Variants in SUMF1 observed in about 807,000 individuals in gnomAD.
The protein encoded by SUMF1 is formylglycine-generating enzyme.
SUMF1 carries 48 observed loss-of-function variants against 47.6 expected under a neutral mutation model. The observed-to-expected ratio is 1.01, with a 90% CI of 0.80 to 1.28. SUMF1 has a LOEUF of 1.28. Ranked by LOEUF, SUMF1 falls within the 50% of genes most tolerant of loss-of-function variation. The probability of loss-of-function intolerance (pLI) is 0.00; values close to 1 mark genes in which losing one functional copy is unlikely to be tolerated. For synonymous variants in SUMF1, 230 were observed against 192.1 expected (o/e 1.20, Z -1.63); for missense variants, 571 against 485.4 (o/e 1.18, Z -1.66).
At chr3:4,114,971 G>T (rs1180388864) in intron 8 of SUMF1, among the ~76,000 whole-genome samples, 1 of 152,036 alleles carries the variant, frequency 6.6e-6, no homozygotes, top group Non-Finnish European at 1.5e-5. Flanking sequence ...CTTCCCTTCT[G>T]GCCTGTGCCC....
intron 8 of SUMF1, among the ~76,000 whole-genome samples, chr3:4,200,698 A>G (rs2125151962): frequency 6.6e-6 from 1 of 152,172 alleles, no homozygotes; most frequent in South Asian, 2.1e-4. Flanking sequence ...AATTTCCTTT[A>G]TGGATCTCCT....
At chr3:4,294,825 G>A (rs1041738134) in intron 8 of SUMF1, among the ~76,000 whole-genome samples, 3 of 152,096 alleles carry the variant, frequency 2.0e-5, no homozygotes, top group South Asian at 2.1e-4. Context: ...TTCTAATGAT[G>A]AGGATTTCAG....
At position 4,362,163 on chromosome 3, in the gene SUMF1, C is replaced by T. The variant is rs926687493; in HGVS notation, c.1106G>A (p.Arg369His). 8.1e-6 allele frequency: 13 copies of T among 1,614,126 alleles called. No homozygotes were observed. Among genetic ancestry groups the T allele is most frequent in the East Asian group, 6.7e-5 (3 of 44,860 alleles). Residue 369 changes from arginine to histidine, a missense_variant, in exon 9 of 9, where the codon CGC (arginine) becomes CAC (histidine). By Grantham distance (29) the Arg-to-His change is conservative. Transcript: ENST00000272902. Reference sequence around the variant, plus strand: ...TGGTTGTCAGTCCATAGTGGGCAGGCGGTCGGCTGCACAGCGGAATCCCAG... The same window carrying T: ...TGGTTGTCAGTCCATAGTGGGCAGGTGGTCGGCTGCACAGCGGAATCCCAG... Reference protein sequence around the residue: ...SNLGFRCAADRLPTMD With the variant: ...SNLGFRCAADHLPTMD
At chr3:4,160,590 C>G (rs577373953) in intron 8 of SUMF1, among the ~76,000 whole-genome samples, 60 of 152,142 alleles carry the variant, frequency 3.9e-4, no homozygotes, top group African/African-American at 1.4e-3. Flanking sequence ...TGTTTGATCA[C>G]TTCTGCTATT....
intron 8 of SUMF1, among the ~76,000 whole-genome samples, chr3:4,137,817 C>A (rs572325522): frequency 1.3e-5 from 2 of 151,916 alleles, no homozygotes; most frequent in Non-Finnish European, 2.9e-5. Context: ...AGAGCAACTG[C>A]GCAGAAAAAG....
At chr3:4,134,709 A>G (rs550049705) in intron 8 of SUMF1, among the ~76,000 whole-genome samples, 54 of 152,228 alleles carry the variant, frequency 3.5e-4, no homozygotes, top group South Asian at 1.9e-3. Context: ...GATCAACAAA[A>G]TTGATAGTCC....
At chr3:4,115,866 G>A (rs1693413709) in intron 8 of SUMF1, among the ~76,000 whole-genome samples, 1 of 151,984 alleles carries the variant, frequency 6.6e-6, no homozygotes, top group African/African-American at 2.4e-5. Context: ...CTAAATTGGG[G>A]CAGATCTGCC....
intron 1 of SUMF1, among the ~76,000 whole-genome samples, chr3:4,457,094 A>ATATACGTGTGTGTATATATATATT (rs1559313479): frequency 5.8e-5 from 8 of 137,604 alleles, no homozygotes; most frequent in Middle Eastern, 3.8e-3. Flanking sequence ...ATATATATAT[A>ATATACGTGTGTGTATATATATATT]TTTTTTTTGT....
chr3:4,425,591 C>T (rs961705608), intron 3 of SUMF1, among the ~76,000 whole-genome samples: 3 of 152,126 alleles, frequency 2.0e-5, no homozygotes, highest in Non-Finnish European at 4.4e-5. Context: ...AGTATTGGAA[C>T]ATGTGTCACT....
chr3:4,040,476 T>C (rs1439911044), intron 9 of SUMF1, among the ~76,000 whole-genome samples: 1 of 152,188 alleles, frequency 6.6e-6, no homozygotes, highest in African/African-American at 2.4e-5. Flanking sequence ...ATCAATGATT[T>C]AGATGAAGAT....
intron 7 of SUMF1, among the ~76,000 whole-genome samples, chr3:4,390,204 T>G (rs566792343): frequency 6.6e-6 from 1 of 152,164 alleles, no homozygotes; most frequent in East Asian, 1.9e-4. Flanking sequence ...TATTAACGAT[T>G]CAGAAGGGAC....
At chr3:4,141,669 TCAAA>T (rs138261177) in intron 8 of SUMF1, among the ~76,000 whole-genome samples, 63 of 151,916 alleles carry the variant, frequency 4.1e-4, no homozygotes, top group South Asian at 2.9e-3. Flanking sequence ...CTTCAAAGCC[TCAAA>T]CAAACAAACA....
At chr3:4,151,154 A>T (rs936681314) in intron 8 of SUMF1, among the ~76,000 whole-genome samples, 1 of 151,316 alleles carries the variant, frequency 6.6e-6, no homozygotes, top group Non-Finnish European at 1.5e-5. Flanking sequence ...GAACAAGCAA[A>T]CACATGACTA....
chr3:4,352,457 T>C (rs1413585376), intron 8 of SUMF1, among the ~76,000 whole-genome samples: 1 of 152,076 alleles, frequency 6.6e-6, no homozygotes, highest in African/African-American at 2.4e-5. Context: ...GAAAGTGAGC[T>C]GTTTCAGAAA....
intron 7 of SUMF1, among the ~76,000 whole-genome samples, chr3:4,383,872 T>G (rs535569779): frequency 6.6e-6 from 1 of 152,312 alleles, no homozygotes; most frequent in Admixed American, 6.5e-5. Context: ...GCCTAACTCA[T>G]GAGCTTGCAA....
At chr3:4,091,152 T>C (rs1294351990) in intron 8 of SUMF1, among the ~76,000 whole-genome samples, 1 of 151,906 alleles carries the variant, frequency 6.6e-6, no homozygotes, top group Admixed American at 6.6e-5. Context: ...TTTGGTGATG[T>C]TTTGTGACCA....
chr3:4,406,118 A>G (rs573507414), intron 7 of SUMF1, among the ~76,000 whole-genome samples: 1 of 152,220 alleles, frequency 6.6e-6, no homozygotes, highest in South Asian at 2.1e-4. Context: ...AGTAAGCAAT[A>G]TTATAATTAG....
chr3:4,322,911 C>T (rs972239727), intron 8 of SUMF1, among the ~76,000 whole-genome samples: 1 of 151,996 alleles, frequency 6.6e-6, no homozygotes, highest in Non-Finnish European at 1.5e-5. Flanking sequence ...CAGCAAGATG[C>T]TGTCTTAAAA....
At chr3:4,053,748 G>C (rs572655759) in intron 9 of SUMF1, among the ~76,000 whole-genome samples, 1 of 152,054 alleles carries the variant, frequency 6.6e-6, no homozygotes, top group Non-Finnish European at 1.5e-5. Flanking sequence ...AGGGAGAGTA[G>C]AGAACAAACA....
Sources: allele counts gnomAD v4.1 joint callset (sites outside exome capture counted in the v4.1 genomes callset), GRCh38; gene constraint gnomAD v4.1.1; transcripts MANE v1.5; gene names NCBI Gene and HGNC (gene_info 2026-07-23, HGNC 2026-07-21).